The following DNAJA1 variants were observed in gnomAD, a reference collection of about 807,000 sequenced individuals.
DNAJA1 encodes DnaJ heat shock protein family (Hsp40) member A1, also known as dnaJ homolog subfamily A member 1.
DNAJA1 carries 26 observed loss-of-function variants against 47.6 expected under a neutral mutation model. The observed-to-expected ratio is 0.55, with a 90% CI of 0.40 to 0.76. The LOEUF (loss-of-function observed/expected upper bound fraction) is 0.76, where lower values mean the gene tolerates loss of function less well. Ranked by LOEUF, DNAJA1 falls within the 30% of genes least tolerant of loss-of-function variation. DNAJA1 has a pLI of 0.00. For missense variants in DNAJA1, 315 were observed against 485.0 expected (o/e 0.65, Z 3.29); for synonymous variants, 165 against 158.4 (o/e 1.04, Z -0.31).
chr9:33,030,337 C>G, intron 4 of DNAJA1, 103 bp from the exon 5 acceptor site: 1 of 1,148,810 alleles, frequency 8.7e-7, no homozygotes, highest in East Asian at 2.6e-5. Context: ...CATCAGGCTT[C>G]GAAAATATTA....
chr9:33,036,797 TTCTC>T, intron 7 of DNAJA1, 108 bp downstream of exon 7: 1 of 880,952 alleles, frequency 1.1e-6, no homozygotes, highest in Non-Finnish European at 1.7e-6. Context: ...TTGTTTTTCT[TTCTC>T]GGTTACATAT....
intron 8 of DNAJA1, among the ~76,000 whole-genome samples, chr9:33,037,864 TGA>T (rs1038043819): frequency 2.0e-5 from 3 of 152,300 alleles, no homozygotes; most frequent in South Asian, 2.1e-4. Context: ...ATCTTAAAGT[TGA>T]GAGGTGCTTT....
chr9:33,033,689 CAA>C (rs1297792748), intron 5 of DNAJA1, among the ~76,000 whole-genome samples: 15 of 152,220 alleles, frequency 9.9e-5, no homozygotes, highest in South Asian at 6.2e-4. Context: ...GATCCTATCT[CAA>C]GAGAAGATTA....
intron 4 of DNAJA1, 62 bp from the exon 5 acceptor site, chr9:33,030,378 A>G: frequency 1.4e-6 from 2 of 1,480,140 alleles, no homozygotes; most frequent in Non-Finnish European, 1.8e-6. Context: ...TGTCTTCTTA[A>G]AACATTTACT....
At position 33,036,975 on chromosome 9, in the gene DNAJA1, T is replaced by G. The variant is rs187927658; in HGVS notation, c.875-40T>G. Reference sequence around the variant, plus strand: ...TTATATTCCCTGCCTCATAAAAATGTGACCATACTTAAGGAAGAACTTGGC... The same window carrying G: ...TTATATTCCCTGCCTCATAAAAATGGGACCATACTTAAGGAAGAACTTGGC... On this transcript the variant is annotated intron_variant, in intron 7 of 8. Transcript: ENST00000330899. 324 of 1,549,512 alleles carry G rather than the reference T, an allele frequency of 2.1e-4. 2 individuals are homozygous for G. In the East Asian group the frequency reaches 4.3e-3, roughly 21 times the overall value.
At chr9:33,027,291 G>A (rs376920491) in intron 3 of DNAJA1, among the ~76,000 whole-genome samples, 1 of 151,898 alleles carries the variant, frequency 6.6e-6, no homozygotes, top group African/African-American at 2.4e-5. Context: ...AAGTAGCTGG[G>A]ATTACAGGCA....
intron 5 of DNAJA1, among the ~76,000 whole-genome samples, chr9:33,033,882 T>C (rs1838997904): frequency 6.6e-6 from 1 of 152,232 alleles, no homozygotes; most frequent in Non-Finnish European, 1.5e-5. Flanking sequence ...TACCAGCATA[T>C]ACCTGTTGAG....
Position 33,030,678 on chromosome 9 carries a change from A to C in DNAJA1, c.643+11A>C. The C allele has an allele frequency of 6.2e-7, 1 of 1,600,332 alleles. No individual in the cohort carries two copies. Among genetic ancestry groups the C allele is most frequent in the Admixed American group, 1.7e-5 (1 of 58,404 alleles). Reference sequence around the variant, plus strand: ...TTCATATTGACAAAGGTGAGTTCTGAGTTACTTATTCTGAAGTCTTGAATG... The same window carrying C: ...TTCATATTGACAAAGGTGAGTTCTGCGTTACTTATTCTGAAGTCTTGAATG... On this transcript the variant is annotated intron_variant, in intron 5 of 8. Coordinates refer to ENST00000330899, the MANE Select transcript of DNAJA1 (RefSeq NM_001539.4).
intron 2 of DNAJA1, 28 bp from the exon 3 acceptor site, chr9:33,026,785 T>C (rs1436317406): frequency 4.4e-6 from 7 of 1,601,872 alleles, no homozygotes; most frequent in Non-Finnish European, 6.0e-6. Flanking sequence ...TTTTAAAAAA[T>C]GAAATTCACT....
At chr9:33,030,890 T>C (rs1035001678) in intron 5 of DNAJA1, among the ~76,000 whole-genome samples, 1 of 152,234 alleles carries the variant, frequency 6.6e-6, no homozygotes, top group Non-Finnish European at 1.5e-5. Flanking sequence ...TCATTTAATA[T>C]AACAGGATCA....
intron 3 of DNAJA1, among the ~76,000 whole-genome samples, chr9:33,029,352 T>C (rs1838925633): frequency 6.6e-6 from 1 of 152,232 alleles, no homozygotes; most frequent in Non-Finnish European, 1.5e-5. Flanking sequence ...AAATGGGCTG[T>C]TTTCTACTAA....
At chr9:33,032,315 T>C (rs1289700139) in intron 5 of DNAJA1, among the ~76,000 whole-genome samples, 2 of 152,256 alleles carry the variant, frequency 1.3e-5, no homozygotes, top group Non-Finnish European at 2.9e-5. Flanking sequence ...TAAATCTGTG[T>C]TTACCCCTTA....
At chr9:33,031,446 T>A (rs1165089663) in intron 5 of DNAJA1, among the ~76,000 whole-genome samples, 1 of 152,110 alleles carries the variant, frequency 6.6e-6, no homozygotes, top group South Asian at 2.1e-4. Context: ...GTTTGTTTTT[T>A]TCTGAGGTAG....
At chr9:33,026,275 A>G (rs750261058) in intron 1 of DNAJA1, among the ~76,000 whole-genome samples, 200 bp from the exon 2 acceptor site, 1 of 152,194 alleles carries the variant, frequency 6.6e-6, no homozygotes, top group Non-Finnish European at 1.5e-5. Flanking sequence ...CTCTCAGATT[A>G]TTTCCCGATA....
chr9:33,036,951 T>C (rs1353380082), intron 7 of DNAJA1, 64 bp from the exon 8 acceptor site: 3 of 1,436,714 alleles, frequency 2.1e-6, no homozygotes, highest in African/African-American at 1.4e-5. Flanking sequence ...CTCTGTTCTT[T>C]ATATTCCCTG....
At chr9:33,026,326 A>G in intron 1 of DNAJA1, 149 bp from the exon 2 acceptor site, 3 of 702,668 alleles carry the variant, frequency 4.3e-6, no homozygotes, top group Non-Finnish European at 6.7e-6. Context: ...TAGCTGAATT[A>G]TCGCAGGAAT....
chr9:33,036,730 T>C (rs934029042), intron 7 of DNAJA1, 41 bp downstream of exon 7: 4 of 1,447,008 alleles, frequency 2.8e-6, no homozygotes, highest in Non-Finnish European at 3.8e-6. Flanking sequence ...TTTTCTATTC[T>C]AGTATTTTCC....
chr9:33,033,689 CAAGAG>C (rs1838995097), intron 5 of DNAJA1, among the ~76,000 whole-genome samples: 1 of 152,102 alleles, frequency 6.6e-6, no homozygotes, highest in Admixed American at 6.5e-5. Context: ...GATCCTATCT[CAAGAG>C]AAGATTATAG....
chr9:33,027,697 A>G (rs1246937124), intron 3 of DNAJA1, among the ~76,000 whole-genome samples: 1 of 151,980 alleles, frequency 6.6e-6, no homozygotes, highest in Admixed American at 6.6e-5. Context: ...ACAAAACTAC[A>G]GAATTAGCTG....
Sources: allele counts gnomAD v4.1 joint callset (sites outside exome capture counted in the v4.1 genomes callset), GRCh38; gene constraint gnomAD v4.1.1; transcripts MANE v1.5; gene names NCBI Gene and HGNC (gene_info 2026-07-23, HGNC 2026-07-21).